FBXO28: variants seen among roughly 807,000 people sequenced by gnomAD.
FBXO28 encodes the protein F-box protein 28.
In FBXO28, 8 loss-of-function variants were observed where a neutral mutation model predicts 38.1. The observed-to-expected ratio is 0.21, with a 90% CI of 0.12 to 0.38. The LOEUF (loss-of-function observed/expected upper bound fraction) is 0.38. FBXO28 is among the 10% of genes least tolerant of loss of function. The pLI is 1.00. For missense variants in FBXO28, 345 were observed against 460.6 expected (o/e 0.75, Z 2.30); for synonymous variants, 168 against 173.8 (o/e 0.97, Z 0.26).
chr1:224,148,149 G>A (rs1202691876), intron 3 of FBXO28, among the ~76,000 whole-genome samples: 3 of 152,052 alleles, frequency 2.0e-5, no homozygotes, highest in African/African-American at 7.2e-5. Flanking sequence ...GAGTGAACTT[G>A]CTTTTACACT....
chr1:224,139,552 G>A (rs1175448319), intron 3 of FBXO28, among the ~76,000 whole-genome samples: 1 of 151,944 alleles, frequency 6.6e-6, no homozygotes, highest in African/African-American at 2.4e-5. Flanking sequence ...GACCAGCCTG[G>A]CCAACATGGT....
At chr1:224,124,106 A>G (rs1187887439) in intron 1 of FBXO28, among the ~76,000 whole-genome samples, 1 of 152,214 alleles carries the variant, frequency 6.6e-6, no homozygotes, top group Non-Finnish European at 1.5e-5. Flanking sequence ...GCAAAACTCC[A>G]TCTCAAACAA....
Position 224,139,320 on chromosome 1 carries a change from A to G in FBXO28, c.516+5108A>G, listed in dbSNP as rs765240825. On this transcript the variant is annotated intron_variant, in intron 3 of 4. Transcript: ENST00000366862. ...TTTTATTCTTTTTTTTGTGTGTGTA[A>G]ATTTTTATTCTCTTGTAATTTCAAG... 6.6e-5 allele frequency among the ~76,000 whole-genome samples: 10 copies of G among 151,544 alleles called. 1 individual carries two copies. Among genetic ancestry groups the G allele is most frequent in the African/African-American group, 9.8e-5 (4 of 40,936 alleles).
rs72753959 is a variant in FBXO28 at position 224,129,062 on chromosome 1, C to T, written c.268-1410C>T. On this transcript the variant is annotated intron_variant, in intron 1 of 4. Transcript: ENST00000366862. ...CTACACATGCTAAGATATTTTGGGC[C>T]GAGTGCAGTGGCTCACACTTGTAAT... 1.9e-3 allele frequency among the ~76,000 whole-genome samples: 291 copies of T among 152,014 alleles called. 2 individuals carry two copies. The highest frequency in any genetic ancestry group is 3.0e-3 in the Non-Finnish European group (206 of 67,990).
chr1:224,121,900 C>G (rs1176603660), intron 1 of FBXO28, among the ~76,000 whole-genome samples: 1 of 152,126 alleles, frequency 6.6e-6, no homozygotes, highest in East Asian at 1.9e-4. Flanking sequence ...CCCAGCCTCC[C>G]GAGTAGCTGG....
chr1:224,148,515 C>G (rs549571711), intron 3 of FBXO28, among the ~76,000 whole-genome samples: 2 of 151,660 alleles, frequency 1.3e-5, no homozygotes, highest in South Asian at 4.2e-4. Context: ...GAAAAAAATT[C>G]GCCAGGTGTG....
intron 4 of FBXO28, among the ~76,000 whole-genome samples, chr1:224,155,487 A>G (rs562629916): frequency 1.7e-3 from 255 of 152,332 alleles, no homozygotes; most frequent in Non-Finnish European, 2.0e-3. Context: ...GAAAGGGTTC[A>G]TAAGGCTATT....
At chr1:224,127,793 G>C (rs1016457720) in intron 1 of FBXO28, among the ~76,000 whole-genome samples, 3 of 152,144 alleles carry the variant, frequency 2.0e-5, no homozygotes, top group African/African-American at 7.2e-5. Flanking sequence ...TGTAATCCCA[G>C]CTACTCGGGA....
chr1:224,143,807 G>C (rs1479929499), intron 3 of FBXO28, among the ~76,000 whole-genome samples: 3 of 146,618 alleles, frequency 2.0e-5, no homozygotes, highest in African/African-American at 7.7e-5. Flanking sequence ...CTGCACTCCA[G>C]CCTGGACGAC....
At chr1:224,115,255 G>A (rs1656619487) in intron 1 of FBXO28, among the ~76,000 whole-genome samples, 1 of 152,174 alleles carries the variant, frequency 6.6e-6, no homozygotes, top group African/African-American at 2.4e-5. Flanking sequence ...GTGATTGTTA[G>A]TTCAGTTAGA....
Position 224,159,686 on chromosome 1 carries a change from C to T in FBXO28, c.*1940C>T, listed in dbSNP as rs1657853306. 1 of 152,094 alleles carries T rather than the reference C, an allele frequency of 6.6e-6. No individual in the cohort carries two copies. The highest frequency in any genetic ancestry group is 6.6e-5 in the Admixed American group (1 of 15,260). 9.4% of individuals were successfully genotyped at this position (152,094 alleles called of 1,614,324 possible). A position where few individuals can be genotyped will look rare whatever the true frequency, so the allele number is the denominator to read the frequency against. ...TGGAATACCCGGGGCCTCTACTAGT[C>T]TGCTTTTCCGGTCATAGGAAGACTT... On this transcript the variant is annotated 3_prime_UTR_variant, in exon 5 of 5. Transcript: ENST00000366862.
chr1:224,148,265 T>A (rs1657557101), intron 3 of FBXO28, among the ~76,000 whole-genome samples: 1 of 152,182 alleles, frequency 6.6e-6, no homozygotes, highest in African/African-American at 2.4e-5. Context: ...ATCTAATAAT[T>A]TACTGTCAGT....
At chr1:224,117,126 G>A (rs917346615) in intron 1 of FBXO28, among the ~76,000 whole-genome samples, 2 of 151,724 alleles carry the variant, frequency 1.3e-5, no homozygotes, top group African/African-American at 4.9e-5. Flanking sequence ...AACGTGAGCC[G>A]AGATCGCCGT....
chr1:224,138,985 G>A (rs1394441613), intron 3 of FBXO28, among the ~76,000 whole-genome samples: 7 of 151,562 alleles, frequency 4.6e-5, no homozygotes, highest in Admixed American at 3.9e-4. Context: ...GGGTTTGACC[G>A]TGTTAGCCAG....
At position 224,146,904 on chromosome 1, in the gene FBXO28, C is replaced by T. The variant is rs184058768; in HGVS notation, c.517-6238C>T. Among the ~76,000 whole-genome samples the T allele has an allele frequency of 1.2e-3, 174 of 151,024 alleles. 1 individual carries two copies. The highest frequency in any genetic ancestry group is 7.9e-3 in the Admixed American group (120 of 15,164). On this transcript the variant is annotated intron_variant, in intron 3 of 4. Transcript: ENST00000366862. ...TGTATTTTTAGTAGAGACAGGGTTT[C>T]ACCATATTGGCCAGGCTGGTCTCGA...
rs116548479 is a variant in FBXO28, at chr1:224,127,371, A to G, written c.268-3101A>G. Among the ~76,000 whole-genome samples the G allele has an allele frequency of 4.4e-3, 662 of 152,182 alleles. 5 individuals are homozygous for G. Among genetic ancestry groups the G allele is most frequent in the African/African-American group, 0.015 (622 of 41,506 alleles). ...TTCTGAGGTAAGAATACCTCAGTCG[A>G]TTGAATGCAGAGACAGGTATGAAAA... On this transcript the variant is annotated intron_variant, in intron 1 of 4. Coordinates refer to ENST00000366862, the MANE Select transcript of FBXO28 (RefSeq NM_015176.4).
Position 224,157,414 on chromosome 1 carries a change from CAA to C in FBXO28, c.776_777del (p.Gln259ArgfsTer10). ...CTTCTCCAAGCAAAATCCTTCAAGACAAGAGGTTACCAAACTCCAGCAGCAGG... is the reference window on the plus strand; with the variant it reads ...CTTCTCCAAGCAAAATCCTTCAAGACGAGGTTACCAAACTCCAGCAGCAGG... ...QLFSKQNPSR[Q>X]EVTKLQQQVK... On this transcript the variant is annotated frameshift_variant, in exon 5 of 5. Transcript: ENST00000366862. LOFTEE classifies it high-confidence loss of function. 1 of 1,614,200 alleles carries C rather than the reference CAA, an allele frequency of 6.2e-7. No homozygotes were observed.
Position 224,114,157 on chromosome 1 carries a change from G to A in FBXO28, c.28G>A (p.Ala10Thr). The change falls in exon 1 of 5, where the codon GCA (alanine) becomes ACA (threonine). Residue 10 changes from alanine to threonine, a missense_variant. By Grantham distance (58) the Ala-to-Thr change is moderately conservative. Transcript: ENST00000366862. MAAAAEERM[A>T]EEGGGGQGDG... ...GGCGGCAGCGGCGGAGGAGCGGATG[G>A]CAGAGGAAGGAGGCGGCGGCCAAGG... 5.8e-6 allele frequency: 9 copies of A among 1,545,856 alleles called. No homozygotes were observed. The highest frequency in any genetic ancestry group is 7.9e-6 in the Non-Finnish European group (9 of 1,145,110).
intron 4 of FBXO28, among the ~76,000 whole-genome samples, chr1:224,155,486 C>T (rs1283626384): frequency 6.6e-6 from 1 of 152,148 alleles, no homozygotes; most frequent in Non-Finnish European, 1.5e-5. Context: ...AGAAAGGGTT[C>T]ATAAGGCTAT....
Sources: gnomAD v4.1 joint callset for allele counts (sites outside exome capture counted in the v4.1 genomes callset) on GRCh38, gnomAD v4.1.1 for gene constraint, MANE v1.5 for transcripts, NCBI Gene and HGNC (gene_info 2026-07-23, HGNC 2026-07-21) for gene names.